The following OBI1 variants were observed in gnomAD, a reference collection of about 807,000 sequenced individuals.
The protein encoded by OBI1 is ORC ubiquitin ligase 1, also known as ring finger protein 219.
Under a neutral mutation model 62.4 loss-of-function variants are expected in OBI1, and 59 were observed. The ratio of observed to expected loss-of-function variants is 0.95; its 90% CI spans 0.77 to 1.17. The LOEUF is 1.17. OBI1 is among the 50% of genes most tolerant of loss of function. The pLI, the probability that OBI1 is intolerant of heterozygous loss-of-function variation, is 0.00. For missense variants in OBI1, 875 were observed against 830.9 expected (o/e 1.05, Z -0.65); for synonymous variants, 302 against 292.8 (o/e 1.03, Z -0.32).
intron 5 of OBI1, among the ~76,000 whole-genome samples, chr13:78,626,463 T>C (rs9601100): frequency 0.26 from 39,987 of 152,032 alleles, 5,564 homozygotes; most frequent in East Asian, 0.32. Flanking sequence ...AACACGATCA[T>C]TAAAACAACA....
intron 1 of OBI1, among the ~76,000 whole-genome samples, chr13:78,645,211 T>G (rs1454294016): frequency 6.6e-6 from 1 of 152,036 alleles, no homozygotes; most frequent in African/African-American, 2.4e-5. Context: ...TCATGGAGAC[T>G]GAAGCTTTTG....
chr13:78,655,379 T>C (rs561141355), intron 1 of OBI1, among the ~76,000 whole-genome samples: 4 of 152,218 alleles, frequency 2.6e-5, no homozygotes, highest in African/African-American at 7.2e-5. Flanking sequence ...TAAGAAAATA[T>C]GTTATGCGTA....
intron 1 of OBI1, 87 bp from the exon 2 acceptor site, chr13:78,645,084 A>G: frequency 1.6e-6 from 2 of 1,261,202 alleles, no homozygotes; most frequent in South Asian, 1.4e-5. Context: ...CTGCTTCTCT[A>G]GATTATAGCA....
chr13:78,654,848 A>G (rs1876652132), intron 1 of OBI1, among the ~76,000 whole-genome samples: 1 of 152,140 alleles, frequency 6.6e-6, no homozygotes, highest in Non-Finnish European at 1.5e-5. Flanking sequence ...AATGAAAAAT[A>G]TTTTAATTAA....
chr13:78,616,582 C>A lies in OBI1; in HGVS notation c.1179G>T (p.Leu393Phe). 6.2e-7 allele frequency: 1 copy of A among 1,614,104 alleles called. No individual in the cohort carries two copies. Among genetic ancestry groups the A allele is most frequent in the Non-Finnish European group, 8.5e-7 (1 of 1,180,024 alleles). The change falls in exon 6 of 6, where the codon TTG becomes TTT. Residue 393 changes from leucine to phenylalanine, a missense_variant. Transcript: ENST00000282003. ...TACTGAGCTGAAGGCAACTAAGGGA[C>A]AAAGGAGTACAAGGAGCTGGAAGAT... ...LYDLPAPCTPLSLSCLQLSTP... is the reference protein window; with the variant it reads ...LYDLPAPCTPFSLSCLQLSTP...
At chr13:78,626,048 T>C (rs998629842) in intron 5 of OBI1, among the ~76,000 whole-genome samples, 6 of 152,196 alleles carry the variant, frequency 3.9e-5, no homozygotes, top group Non-Finnish European at 7.3e-5. Context: ...AGAGTCAGCA[T>C]GGAGACAGGT....
At chr13:78,653,687 T>C (rs1876612934) in intron 1 of OBI1, among the ~76,000 whole-genome samples, 1 of 152,152 alleles carries the variant, frequency 6.6e-6, no homozygotes, top group African/African-American at 2.4e-5. Flanking sequence ...GAAGACGGTA[T>C]TGATGAACTT....
intron 1 of OBI1, among the ~76,000 whole-genome samples, chr13:78,648,685 G>A (rs916523744): frequency 3.9e-5 from 6 of 152,000 alleles, no homozygotes; most frequent in African/African-American, 9.7e-5. Context: ...AGGCCGAGGC[G>A]GGCTGATCAC....
chr13:78,626,190 A>G (rs1376926180), intron 5 of OBI1, among the ~76,000 whole-genome samples: 3 of 152,192 alleles, frequency 2.0e-5, no homozygotes, highest in Non-Finnish European at 4.4e-5. Context: ...TTAAAGAGGA[A>G]AGCTTCCAGA....
chr13:78,618,792 T>C (rs1875412844), intron 5 of OBI1, among the ~76,000 whole-genome samples: 1 of 152,164 alleles, frequency 6.6e-6, no homozygotes, highest in African/African-American at 2.4e-5. Flanking sequence ...TACTACTGTA[T>C]TTGGTTAAAT....
chr13:78,618,431 A>G (rs780332685), intron 5 of OBI1, among the ~76,000 whole-genome samples: 5 of 152,000 alleles, frequency 3.3e-5, no homozygotes, highest in Non-Finnish European at 7.4e-5. Flanking sequence ...GCCAATAGCA[A>G]TTGCCCCTCT....
intron 1 of OBI1, among the ~76,000 whole-genome samples, chr13:78,654,708 C>A (rs1876644475): frequency 6.6e-6 from 1 of 152,156 alleles, no homozygotes; most frequent in Non-Finnish European, 1.5e-5. Flanking sequence ...GAGGATACTC[C>A]AAGACACAGG....
Position 78,616,596 on chromosome 13 carries a change from G to C in OBI1, c.1165C>G (p.Pro389Ala), listed in dbSNP as rs1875298326. ...KDEELYDLPA[P>A]CTPLSLSCLQ... ...CAACTAAGGGACAAAGGAGTACAAG[G>C]AGCTGGAAGATCATAAAGTTCTTCA... is the stretch of plus-strand genomic sequence containing the variant. The change falls in exon 6 of 6, where the codon CCT (proline) becomes GCT (alanine). Residue 389 changes from proline (P) to alanine (A), a missense_variant. Physicochemically the swap from Pro to Ala is conservative, Grantham distance 27. Coordinates refer to ENST00000282003, the MANE Select transcript of OBI1 (RefSeq NM_024546.4). The C allele has an allele frequency of 6.2e-7, 1 of 1,614,032 alleles. No individual in the cohort carries two copies. Among genetic ancestry groups the C allele is most frequent in the African/African-American group, 1.3e-5 (1 of 74,930 alleles).
In OBI1 at chr13:78,616,514, G is replaced by C. The variant is rs1454454185; in HGVS notation, c.1247C>G (p.Ser416Cys). The change falls in exon 6 of 6, where the codon TCC becomes TGC. Residue 416 changes from serine to cysteine, a missense_variant. Coordinates refer to ENST00000282003, the MANE Select transcript of OBI1 (RefSeq NM_024546.4). ...RESSVVQAGG[S>C]KKHSNHLRKL... ...TCTGAGATGGTTTGAGTGCTTTTTGGAACCTCCTGCTTGGACCACAGAGCT... is the reference window on the plus strand; with the variant it reads ...TCTGAGATGGTTTGAGTGCTTTTTGCAACCTCCTGCTTGGACCACAGAGCT... 1 of 1,614,002 alleles carries C rather than the reference G, an allele frequency of 6.2e-7. No homozygotes were observed. The highest frequency in any genetic ancestry group is 8.5e-7 in the Non-Finnish European group (1 of 1,179,990).
chr13:78,655,856 G>C (rs1876686230), intron 1 of OBI1, among the ~76,000 whole-genome samples: 1 of 152,210 alleles, frequency 6.6e-6, no homozygotes. Flanking sequence ...AAGCAGAAGC[G>C]AACCTGAGGA....
At position 78,642,266 on chromosome 13, in the gene OBI1, G is replaced by GA. The variant is rs1309239227; in HGVS notation, c.209-54dup. The GA allele has an allele frequency of 8.8e-6, 10 of 1,136,600 alleles. No individual in the cohort carries two copies. The African/African-American group carries it at 1.5e-4, about 18-fold the overall frequency. The allele number at this position is 1,136,600 out of a possible 1,614,324, so 70.4% of individuals were successfully genotyped here. ...TTTTTCATTCTGATTCGGGAAGAAT[G>GA]AAAATGATCCTTTTTCATATTGTTT... is the stretch of plus-strand genomic sequence containing the variant. On this transcript the variant is annotated intron_variant, in intron 2 of 5. Transcript: ENST00000282003.
chr13:78,640,876 T>C (rs1379887004), intron 3 of OBI1, among the ~76,000 whole-genome samples: 2 of 152,220 alleles, frequency 1.3e-5, no homozygotes, highest in African/African-American at 4.8e-5. Context: ...AGTGAAACCA[T>C]CTACCATTTC....
intron 2 of OBI1, among the ~76,000 whole-genome samples, chr13:78,643,091 T>C (rs1307058045): frequency 6.6e-6 from 1 of 152,212 alleles, no homozygotes; most frequent in Non-Finnish European, 1.5e-5. Flanking sequence ...TTTAGCATTA[T>C]AATAATAGCA....
At chr13:78,642,039 C>T in intron 3 of OBI1, 83 bp downstream of exon 3, 1 of 615,528 alleles carries the variant, frequency 1.6e-6, no homozygotes. Context: ...GATATTTACT[C>T]TAAGAAGTCT....
Sources: allele counts gnomAD v4.1 joint callset (sites outside exome capture counted in the v4.1 genomes callset), GRCh38; gene constraint gnomAD v4.1.1; transcripts MANE v1.5; gene names NCBI Gene and HGNC (gene_info 2026-07-23, HGNC 2026-07-21).